Variants in MTRFR observed in about 807,000 individuals in gnomAD.
MTRFR encodes mitochondrial translation release factor in rescue.
In MTRFR, 10 loss-of-function variants were observed where a neutral mutation model predicts 11.9. That is an observed-to-expected ratio of 0.84 (90% confidence interval 0.52 to 1.42). The LOEUF is 1.42. Ranked by LOEUF, MTRFR falls within the 40% of genes most tolerant of loss-of-function variation. MTRFR has a pLI of 0.00. For missense variants in MTRFR, 196 were observed against 197.9 expected (o/e 0.99, Z 0.06); for synonymous variants, 77 against 79.1 (o/e 0.97, Z 0.14).
intron 1 of MTRFR, among the ~76,000 whole-genome samples, chr12:123,236,600 A>T (rs1165035238): frequency 6.6e-6 from 1 of 152,128 alleles, no homozygotes; most frequent in Non-Finnish European, 1.5e-5. Flanking sequence ...CTCAAAAAAA[A>T]AAAAAAGAAG....
chr12:123,244,441 A>AAAC (rs757778123), intron 1 of MTRFR, among the ~76,000 whole-genome samples: 20 of 152,038 alleles, frequency 1.3e-4, no homozygotes, highest in Non-Finnish European at 2.8e-4. Flanking sequence ...TCAAAACAAA[A>AAAC]AACAAAAAAA....
chr12:123,242,685 C>T (rs2047960063), intron 1 of MTRFR, among the ~76,000 whole-genome samples: 1 of 152,188 alleles, frequency 6.6e-6, no homozygotes, highest in Admixed American at 6.5e-5. Context: ...TCCAGTGTGT[C>T]TGGCAGCTCT....
chr12:123,249,339 G>A (rs1422646991), intron 1 of MTRFR: 1 of 152,570 alleles, frequency 6.6e-6, no homozygotes, highest in Non-Finnish European at 1.5e-5. Context: ...CAGCCCTTGG[G>A]CGGTCAATGG....
chr12:123,236,318 A>T (rs1048761403), intron 1 of MTRFR, among the ~76,000 whole-genome samples: 62 of 151,818 alleles, frequency 4.1e-4, no homozygotes, highest in Non-Finnish European at 7.4e-4. Flanking sequence ...TTGCAGCTGC[A>T]CGTGGTGGCT....
chr12:123,244,599 G>GA, intron 1 of MTRFR, among the ~76,000 whole-genome samples: 1 of 152,082 alleles, frequency 6.6e-6, no homozygotes, highest in Non-Finnish European at 1.5e-5. Context: ...GCCTTGAAAG[G>GA]AATCAACAAA....
At chr12:123,242,595 T>A (rs2047958321) in intron 1 of MTRFR, among the ~76,000 whole-genome samples, 1 of 152,204 alleles carries the variant, frequency 6.6e-6, no homozygotes, top group African/African-American at 2.4e-5. Flanking sequence ...TCTGATTGGC[T>A]GTTGGAATTA....
intron 1 of MTRFR, 71 bp from the exon 2 acceptor site, chr12:123,253,576 C>T: frequency 6.8e-7 from 1 of 1,476,920 alleles, no homozygotes; most frequent in South Asian, 1.1e-5. Context: ...AAAAAGCTGT[C>T]TTTGAATCTG....
intron 1 of MTRFR, among the ~76,000 whole-genome samples, chr12:123,238,474 T>C (rs1481031000): frequency 2.6e-5 from 4 of 152,088 alleles, no homozygotes; most frequent in African/African-American, 9.7e-5. Context: ...TTAAATGTCA[T>C]ATAAATAAGA....
intron 1 of MTRFR, among the ~76,000 whole-genome samples, chr12:123,242,485 T>C (rs542918123): frequency 6.6e-6 from 1 of 152,344 alleles, no homozygotes; most frequent in African/African-American, 2.4e-5. Flanking sequence ...TCGTATTTTT[T>C]TGGCCTTTGG....
At position 123,253,107 on chromosome 12, in the gene MTRFR, T is replaced by TTTTTTTTTTTTTTTTTTTTTTTTTTG. The variant is rs766114484; in HGVS notation, c.-28-540_-28-539insTTTTTTTTTTTTTTTTTTTTTTTTTG. Among the ~76,000 whole-genome samples the TTTTTTTTTTTTTTTTTTTTTTTTTTG allele has an allele frequency of 4.1e-4, 26 of 63,362 alleles. 8 individuals carry two copies. Among genetic ancestry groups the TTTTTTTTTTTTTTTTTTTTTTTTTTG allele is most frequent in the Non-Finnish European group, 6.1e-4 (18 of 29,412 alleles). 41.6% of individuals were successfully genotyped at this position (63,362 alleles called of 152,430 possible). ...TTTTTTTTTTTTTTTTTTTTTTTTTTGAGACACTGTCTCGCTCTGTTGTCC... is the reference window on the plus strand; with the variant it reads ...TTTTTTTTTTTTTTTTTTTTTTTTTTTTTTTTTTTTTTTTTTTTTTTTTTTGGAGACACTGTCTCGCTCTGTTGTCC... On this transcript the variant is annotated intron_variant, in intron 1 of 2. Coordinates refer to ENST00000253233, the MANE Select transcript of MTRFR (RefSeq NM_152269.5).
At position 123,257,069 on chromosome 12, in the gene MTRFR, G is replaced by C; in HGVS notation, c.*38G>C. 2 of 1,505,758 alleles carry C rather than the reference G, an allele frequency of 1.3e-6. No individual in the cohort carries two copies. Among genetic ancestry groups the C allele is most frequent in the Non-Finnish European group, 9.2e-7 (1 of 1,085,216 alleles). 93.3% of individuals were successfully genotyped at this position (1,505,758 alleles called of 1,614,324 possible). A position where few individuals can be genotyped will look rare whatever the true frequency, so the allele number is the denominator to read the frequency against. On this transcript the variant is annotated 3_prime_UTR_variant, in exon 3 of 3. Transcript: ENST00000253233. ...AGATTCCAACTGACAGAATCTGCCA[G>C]AAGCTCCCAGGGAATAATGGTGGCG...
chr12:123,247,027 C>G (rs546795886), intron 1 of MTRFR, among the ~76,000 whole-genome samples: 1 of 151,902 alleles, frequency 6.6e-6, no homozygotes, highest in Non-Finnish European at 1.5e-5. Flanking sequence ...CCGCTCACGC[C>G]TAATTTCAAT....
At chr12:123,235,988 C>T (rs1268169258) in intron 1 of MTRFR, among the ~76,000 whole-genome samples, 1 of 151,896 alleles carries the variant, frequency 6.6e-6, no homozygotes, top group Non-Finnish European at 1.5e-5. Context: ...CGCTGGAACC[C>T]GGGAGGCAAA....
chr12:123,240,830 T>G (rs1477866723), intron 1 of MTRFR: 1 of 148,594 alleles, frequency 6.7e-6, no homozygotes, highest in Non-Finnish European at 1.5e-5. Flanking sequence ...GACTCCCGAG[T>G]TGAAGCGATT....
chr12:123,241,394 A>G (rs2047934951), intron 1 of MTRFR, among the ~76,000 whole-genome samples: 1 of 151,910 alleles, frequency 6.6e-6, no homozygotes, highest in Non-Finnish European at 1.5e-5. Flanking sequence ...CTGGAGCGCA[A>G]TGGCGTGATC....
At chr12:123,251,582 T>C (rs1024176816) in intron 1 of MTRFR, 2 of 152,344 alleles carry the variant, frequency 1.3e-5, no homozygotes, top group Admixed American at 1.3e-4. Context: ...AGTTGGAAAT[T>C]TCTCCTGCAA....
upstream of MTRFR, chr12:123,233,144 CG>C (rs1299299527): frequency 2.9e-5 from 1 of 34,072 alleles, no homozygotes; most frequent in Non-Finnish European, 2.3e-4. Flanking sequence ...CCCGAGGGAG[CG>C]CGCGCGCGCC....
Position 123,253,917 on chromosome 12 carries a change from C to G in MTRFR, c.243C>G (p.Cys81Trp). The G allele has an allele frequency of 1.2e-6, 2 of 1,614,210 alleles. No individual in the cohort carries two copies. The highest frequency in any genetic ancestry group is 1.7e-6 in the Non-Finnish European group (2 of 1,180,038). The change falls in exon 2 of 3, where the codon TGC (cysteine) becomes TGG (tryptophan). Residue 81 changes from cysteine (C) to tryptophan (W), a missense_variant. Coordinates refer to ENST00000253233, the MANE Select transcript of MTRFR (RefSeq NM_152269.5). ...GGQATNKTSN[C>W]VVLKHIPSGI... is the part of the protein sequence containing the mutation. ...AGGCAACCAACAAAACCAGCAACTG[C>G]GTGGTGCTGAAGCACATCCCCTCAG...
At chr12:123,244,763 G>C (rs2048009401) in intron 1 of MTRFR, among the ~76,000 whole-genome samples, 1 of 151,720 alleles carries the variant, frequency 6.6e-6, no homozygotes, top group African/African-American at 2.4e-5. Context: ...CTCCCAAGTA[G>C]CTGGGATTAC....
Sources: gnomAD v4.1 joint callset for allele counts (sites outside exome capture counted in the v4.1 genomes callset) on GRCh38, gnomAD v4.1.1 for gene constraint, MANE v1.5 for transcripts, NCBI Gene and HGNC (gene_info 2026-07-23, HGNC 2026-07-21) for gene names.